Variants in TRIM42 observed in about 807,000 individuals in gnomAD.
TRIM42 encodes tripartite motif containing 42.
TRIM42 carries 59 observed loss-of-function variants against 64.9 expected under a neutral mutation model. The observed-to-expected ratio is 0.91, with a 90% CI of 0.74 to 1.13. The LOEUF is 1.13. Among genes scored for constraint, TRIM42 ranks in the 50% most tolerant of loss-of-function variants. TRIM42 has a pLI of 0.00. For missense variants in TRIM42, 878 were observed against 929.5 expected, an observed-to-expected ratio of 0.94 and a Z score of 0.72; for synonymous variants, 354 against 346.3, an observed-to-expected ratio of 1.02 and a Z score of -0.25.
At chr3:140,695,406 C>A (rs905798539) in intron 4 of TRIM42, among the ~76,000 whole-genome samples, 5 of 152,160 alleles carry the variant, frequency 3.3e-5, no homozygotes, top group African/African-American at 4.8e-5. Context: ...TAGGTTACAT[C>A]AGACTTGGAG....
chr3:140,683,546 A>C (rs1364675656), intron 2 of TRIM42, among the ~76,000 whole-genome samples: 1 of 152,204 alleles, frequency 6.6e-6, no homozygotes, highest in Non-Finnish European at 1.5e-5. Context: ...TGGAAAATGA[A>C]GACTTTGATC....
chr3:140,694,665 A>G (rs1026272305), intron 4 of TRIM42, among the ~76,000 whole-genome samples: 1 of 152,216 alleles, frequency 6.6e-6, no homozygotes, highest in African/African-American at 2.4e-5. Context: ...TTTCCTTACA[A>G]TTCTGAAGAA....
At chr3:140,689,646 G>A (rs777062286) in intron 3 of TRIM42, among the ~76,000 whole-genome samples, 4 of 151,826 alleles carry the variant, frequency 2.6e-5, no homozygotes, top group Non-Finnish European at 4.4e-5. Flanking sequence ...CACAATCTAT[G>A]TTTTATTGTC....
intron 4 of TRIM42, among the ~76,000 whole-genome samples, chr3:140,696,750 CTG>C (rs1180778314): frequency 6.6e-6 from 1 of 152,190 alleles, no homozygotes; most frequent in Non-Finnish European, 1.5e-5. Flanking sequence ...TGATACCTCT[CTG>C]TGTTTAAATT....
rs1262827394 is a variant in TRIM42 at position 140,687,909 on chromosome 3, T to G, written c.1227T>G (p.Ile409Met). Reference sequence around the variant, plus strand: ...TAGAAGTGTCCAGGCAGAAGGAAATTGAAAAATATGTGTATGTTACAACCA... The same window carrying G: ...TAGAAGTGTCCAGGCAGAAGGAAATGGAAAAATATGTGTATGTTACAACCA... The part of the protein sequence containing the change: ...ENLEVSRQKE[I>M]EKYVYVTTMK... Residue 409 changes from isoleucine (I) to methionine (M), a missense_variant, in exon 3 of 5, where the codon ATT becomes ATG. Ile to Met is a conservative substitution (Grantham distance 10). Coordinates refer to ENST00000286349, the MANE Select transcript of TRIM42 (RefSeq NM_152616.5). 6.2e-7 allele frequency: 1 copy of G among 1,613,790 alleles called. No individual in the cohort carries two copies. The highest frequency in any genetic ancestry group is 1.3e-5 in the African/African-American group (1 of 74,812).
At chr3:140,700,817 C>A in intron 4 of TRIM42, 71 bp from the exon 5 acceptor site, 1 of 1,390,220 alleles carries the variant, frequency 7.2e-7, no homozygotes, top group Non-Finnish European at 1.0e-6. Context: ...TAGTGTCTGA[C>A]ATGCAGAAGG....
intron 2 of TRIM42, 30 bp from the exon 3 acceptor site, chr3:140,687,692 T>G: frequency 6.4e-7 from 1 of 1,552,880 alleles, no homozygotes; most frequent in Non-Finnish European, 8.7e-7. Context: ...GATGAAAATT[T>G]TAAAAGTAAC....
At chr3:140,685,405 A>C (rs1988524090) in intron 2 of TRIM42, among the ~76,000 whole-genome samples, 1 of 152,158 alleles carries the variant, frequency 6.6e-6, no homozygotes, top group South Asian at 2.1e-4. Context: ...AAATAAAGGG[A>C]GCTCAAAAGT....
chr3:140,680,885 G>T (rs928652228), intron 1 of TRIM42, among the ~76,000 whole-genome samples: 1 of 152,172 alleles, frequency 6.6e-6, no homozygotes, highest in South Asian at 2.1e-4. Flanking sequence ...CCTGGCCAAG[G>T]GAGCAGGGAA....
intron 4 of TRIM42, among the ~76,000 whole-genome samples, chr3:140,700,005 A>AC (rs1423236585): frequency 6.6e-6 from 1 of 151,660 alleles, no homozygotes; most frequent in South Asian, 2.1e-4. Flanking sequence ...TACAAACCCC[A>AC]CCCCCATTCT....
At chr3:140,683,408 T>TTG (rs1292049836) in intron 2 of TRIM42, among the ~76,000 whole-genome samples, 1 of 152,166 alleles carries the variant, frequency 6.6e-6, no homozygotes, top group Admixed American at 6.5e-5. Context: ...AGTGACCCCC[T>TTG]CACTGGGTTG....
At chr3:140,690,001 G>A (rs527762262) in intron 3 of TRIM42, among the ~76,000 whole-genome samples, 2 of 152,066 alleles carry the variant, frequency 1.3e-5, no homozygotes, top group South Asian at 2.1e-4. Context: ...AGAGACCTAC[G>A]CAAAACAACT....
At position 140,687,832 on chromosome 3, in the gene TRIM42, C is replaced by T. The variant is rs76729430; in HGVS notation, c.1150C>T (p.Arg384Cys). 373 of 1,614,074 alleles carry T rather than the reference C, an allele frequency of 2.3e-4. 1 individual carries two copies. The highest frequency in any genetic ancestry group is 2.2e-3 in the African/African-American group (166 of 75,014). The change falls in exon 3 of 5, where the codon CGC becomes TGC. Residue 384 changes from arginine (R) to cysteine (C), a missense_variant. Physicochemically the swap from Arg to Cys is radical, Grantham distance 180. Coordinates refer to ENST00000286349, the MANE Select transcript of TRIM42 (RefSeq NM_152616.5). ...KEIRNGFLKL[R>C]SILQEKEKII... ...GATCAGAAATGGCTTTCTCAAGTTGCGCAGCATTCTTCAGGAGAAAGAGAA... is the reference window on the plus strand; with the variant it reads ...GATCAGAAATGGCTTTCTCAAGTTGTGCAGCATTCTTCAGGAGAAAGAGAA...
intron 4 of TRIM42, among the ~76,000 whole-genome samples, chr3:140,696,029 A>G (rs1432995767): frequency 2.0e-5 from 3 of 152,174 alleles, no homozygotes; most frequent in Non-Finnish European, 4.4e-5. Flanking sequence ...TCCTGGAACA[A>G]GTATAATTTC....
chr3:140,683,308 G>A (rs1576416421), intron 2 of TRIM42, 149 bp downstream of exon 2: 1 of 845,212 alleles, frequency 1.2e-6, no homozygotes. Context: ...TACCCTGCAA[G>A]TCACTATCCT....
At position 140,690,493 on chromosome 3, in the gene TRIM42, G is replaced by C. The variant is rs143612580; in HGVS notation, c.1861-475G>C. ...AGGAAAACATACAACATAAGTAAAA[G>C]AAAATAGAAATCAAAGCTACTTAAT... is the stretch of plus-strand genomic sequence containing the variant. On this transcript the variant is annotated intron_variant, in intron 3 of 4. Coordinates refer to ENST00000286349, the MANE Select transcript of TRIM42 (RefSeq NM_152616.5). 4.5e-3 allele frequency among the ~76,000 whole-genome samples: 577 copies of C among 127,852 alleles called. 2 individuals are homozygous for C. Among genetic ancestry groups the C allele is most frequent in the Middle Eastern group, 0.012 (3 of 242 alleles). The allele number at this position is 127,852 out of a possible 152,430, so 83.9% of individuals were successfully genotyped here.
intron 2 of TRIM42, among the ~76,000 whole-genome samples, chr3:140,685,961 T>C (rs1246374994): frequency 6.6e-6 from 1 of 152,184 alleles, no homozygotes; most frequent in Non-Finnish European, 1.5e-5. Flanking sequence ...TTTAAGTGTA[T>C]TGCCTAAAAG....
chr3:140,700,926 G>A lies in TRIM42; in HGVS notation c.2124G>A (p.Lys708=). Residue 708 remains lysine (K), a synonymous_variant, in exon 5 of 5, where the codon AAG becomes AAA. Transcript: ENST00000286349. ...TPDGHGKNRA[K]WGLLKNIQSA... ...ATGGACATGGGAAGAACCGAGCTAA[G>A]TGGGGCCTGCTGAAGAATATCCAGT... 1 of 1,614,166 alleles carries A rather than the reference G, an allele frequency of 6.2e-7. No individual in the cohort carries two copies. The highest frequency in any genetic ancestry group is 8.5e-7 in the Non-Finnish European group (1 of 1,179,974).
At chr3:140,692,764 T>G (rs1274806659) in intron 4 of TRIM42, among the ~76,000 whole-genome samples, 1 of 152,222 alleles carries the variant, frequency 6.6e-6, no homozygotes, top group Non-Finnish European at 1.5e-5. Flanking sequence ...GCATGTCTCT[T>G]GACTATGGAT....
Sources: allele counts gnomAD v4.1 joint callset (sites outside exome capture counted in the v4.1 genomes callset), GRCh38; gene constraint gnomAD v4.1.1; transcripts MANE v1.5; gene names NCBI Gene and HGNC (gene_info 2026-07-23, HGNC 2026-07-21).